NAALADL2: variants seen among roughly 807,000 people sequenced by gnomAD.
NAALADL2 encodes inactive N-acetylated-alpha-linked acidic dipeptidase-like protein 2.
In NAALADL2, 76 loss-of-function variants were observed where a neutral mutation model predicts 87.2. The ratio of observed to expected loss-of-function variants is 0.87; its 90% CI spans 0.72 to 1.05. The LOEUF is 1.05. NAALADL2 is among the 50% of genes least tolerant of loss of function. The probability of loss-of-function intolerance (pLI) is 0.00; values close to 1 mark genes in which losing one functional copy is unlikely to be tolerated. For synonymous variants in NAALADL2, 354 were observed against 331.0 expected (o/e 1.07, Z -0.75); for missense variants, 1,089 against 945.8 (o/e 1.15, Z -1.99).
chr3:175,199,892 T>C (rs1441362265), intron 2 of NAALADL2, among the ~76,000 whole-genome samples: 1 of 95,452 alleles, frequency 1.0e-5, no homozygotes, highest in African/African-American at 3.8e-5. Flanking sequence ...TTTTTTTTTT[T>C]CCTTAGTCCA....
chr3:175,385,173 G>T (rs1045034630), intron 5 of NAALADL2, among the ~76,000 whole-genome samples: 6 of 151,902 alleles, frequency 3.9e-5, no homozygotes, highest in African/African-American at 1.5e-4. Flanking sequence ...CTAAATGAAG[G>T]CCCAATGCAT....
At chr3:174,921,855 G>C (rs1735272952) in intron 1 of NAALADL2, among the ~76,000 whole-genome samples, 1 of 147,182 alleles carries the variant, frequency 6.8e-6, no homozygotes, top group African/African-American at 2.5e-5. Context: ...AATCTTCTTA[G>C]TATTTTAAAG....
chr3:175,076,656 A>G (rs1716654374), intron 1 of NAALADL2, among the ~76,000 whole-genome samples: 1 of 152,136 alleles, frequency 6.6e-6, no homozygotes, highest in Non-Finnish European at 1.5e-5. Flanking sequence ...TTTGATCTCA[A>G]TGTGTTTTGA....
intron 9 of NAALADL2, among the ~76,000 whole-genome samples, chr3:175,562,092 G>C (rs993635865): frequency 3.9e-5 from 6 of 152,164 alleles, no homozygotes; most frequent in Non-Finnish European, 7.4e-5. Flanking sequence ...AGTGATTTCA[G>C]TTCCCGATGT....
chr3:174,832,991 A>G (rs1462770778), intron 3 of NAALADL2, among the ~76,000 whole-genome samples: 1 of 152,276 alleles, frequency 6.6e-6, no homozygotes, highest in Middle Eastern at 3.4e-3. Context: ...TTCTACATCT[A>G]CATCTCTCTA....
At chr3:175,663,794 T>G (rs1732595691) in intron 11 of NAALADL2, among the ~76,000 whole-genome samples, 1 of 151,918 alleles carries the variant, frequency 6.6e-6, no homozygotes, top group Admixed American at 6.6e-5. Context: ...TAAGATAAAT[T>G]TGAAAATTTG....
chr3:175,520,037 A>G (rs1732405430), intron 9 of NAALADL2, among the ~76,000 whole-genome samples: 1 of 152,152 alleles, frequency 6.6e-6, no homozygotes, highest in African/African-American at 2.4e-5. Flanking sequence ...TGCTAATGCT[A>G]TAGTTTCTAT....
At chr3:174,858,435 T>C (rs1379353222), upstream of NAALADL2, among the ~76,000 whole-genome samples, 1 of 152,126 alleles carries the variant, frequency 6.6e-6, no homozygotes, top group African/African-American at 2.4e-5. Flanking sequence ...GGAATTATTT[T>C]TGTTGAGTCA....
chr3:175,365,703 A>G (rs1765472991), intron 5 of NAALADL2, among the ~76,000 whole-genome samples: 1 of 147,216 alleles, frequency 6.8e-6, no homozygotes, highest in Non-Finnish European at 1.5e-5. Flanking sequence ...TGTATGACCT[A>G]AAAAAATCTG....
chr3:175,032,796 A>C (rs1373590064), intron 1 of NAALADL2, among the ~76,000 whole-genome samples: 1 of 152,050 alleles, frequency 6.6e-6, no homozygotes, highest in Non-Finnish European at 1.5e-5. Flanking sequence ...TTACCAATGT[A>C]GTTTAATTGT....
intron 5 of NAALADL2, chr3:175,369,560 C>T (rs1327937648): frequency 6.6e-6 from 1 of 152,088 alleles, no homozygotes; most frequent in Admixed American, 6.6e-5. Flanking sequence ...ATGTATACAC[C>T]TGATATGTGT....
intron 4 of NAALADL2, among the ~76,000 whole-genome samples, chr3:175,291,302 A>T: frequency 6.6e-6 from 1 of 152,132 alleles, no homozygotes; most frequent in East Asian, 1.9e-4. Context: ...TATTCTAGCA[A>T]CAGTTCTTTC....
chr3:175,342,850 G>A (rs1182090757), intron 5 of NAALADL2, among the ~76,000 whole-genome samples: 2 of 152,008 alleles, frequency 1.3e-5, no homozygotes, highest in Non-Finnish European at 2.9e-5. Context: ...TGATCACCCA[G>A]GGTGAGGGAA....
intron 2 of NAALADL2, among the ~76,000 whole-genome samples, chr3:174,638,270 T>C (rs1427974881): frequency 6.6e-6 from 1 of 152,200 alleles, no homozygotes. Context: ...ATATAGGCTT[T>C]TTGGTAGGCC....
At chr3:174,766,970 A>T (rs1713879793) in intron 3 of NAALADL2, among the ~76,000 whole-genome samples, 1 of 152,138 alleles carries the variant, frequency 6.6e-6, no homozygotes, top group Non-Finnish European at 1.5e-5. Context: ...TGTGCCATTC[A>T]CCTATTGTCC....
chr3:175,527,941 A>C (rs536938790), intron 9 of NAALADL2, among the ~76,000 whole-genome samples: 25 of 152,182 alleles, frequency 1.6e-4, no homozygotes, highest in African/African-American at 6.0e-4. Flanking sequence ...GGTCTCTCCT[A>C]GGGGTTGAAG....
chr3:175,057,120 G>T (rs1342927246), intron 1 of NAALADL2, among the ~76,000 whole-genome samples: 9 of 152,174 alleles, frequency 5.9e-5, no homozygotes, highest in Non-Finnish European at 1.3e-4. Context: ...CTGTTTCTTG[G>T]CAAGATGTTA....
Position 175,223,363 on chromosome 3 carries a change from A to G in NAALADL2, c.546-10568A>G, listed in dbSNP as rs559110884. On this transcript the variant is annotated intron_variant, in intron 2 of 13. Transcript: ENST00000454872. The stretch of plus-strand genomic sequence containing the variant: ...TGATTTTTTTTTTTTTTCATTTCAC[A>G]TAATTGAGATGATGCAGTACTTGTC... Among the ~76,000 whole-genome samples, 29 of 149,932 alleles carry G rather than the reference A, an allele frequency of 1.9e-4. 1 individual carries two copies. In the South Asian group the frequency reaches 6.1e-3, roughly 31 times the overall value.
intron 10 of NAALADL2, among the ~76,000 whole-genome samples, chr3:175,626,862 C>T (rs988793162): frequency 1.3e-5 from 2 of 151,828 alleles, no homozygotes; most frequent in African/African-American, 4.8e-5. Context: ...TACATTTTAA[C>T]TACCATGTAA....
Sources: allele counts gnomAD v4.1 joint callset (sites outside exome capture counted in the v4.1 genomes callset), GRCh38; gene constraint gnomAD v4.1.1; transcripts MANE v1.5; gene names NCBI Gene and HGNC (gene_info 2026-07-23, HGNC 2026-07-21).